KCNIP4: variants seen among roughly 807,000 people sequenced by gnomAD.
KCNIP4 encodes the protein Kv channel-interacting protein 4.
Under a neutral mutation model 34.0 loss-of-function variants are expected in KCNIP4, and 12 were observed. The observed-to-expected ratio is 0.35, with a 90% confidence interval of 0.23 to 0.57. KCNIP4 has a LOEUF of 0.57. Among genes scored for constraint, KCNIP4 ranks in the 20% least tolerant of loss-of-function variants. The pLI is 0.83. For synonymous variants in KCNIP4, 124 were observed against 102.2 expected, an observed-to-expected ratio of 1.21 and a Z score of -1.29; for missense variants, 238 against 311.7, an observed-to-expected ratio of 0.76 and a Z score of 1.78.
chr4:21,939,610 T>C (rs1730081812), intron 1 of KCNIP4, among the ~76,000 whole-genome samples: 1 of 152,152 alleles, frequency 6.6e-6, no homozygotes, highest in Non-Finnish European at 1.5e-5. Flanking sequence ...TGCACCTACG[T>C]TTCAGAGTAT....
At chr4:21,431,167 A>T (rs954793894) in intron 1 of KCNIP4, among the ~76,000 whole-genome samples, 1 of 152,056 alleles carries the variant, frequency 6.6e-6, no homozygotes, top group African/African-American at 2.4e-5. Context: ...TATCCAATAA[A>T]TTTAAAAAAA....
intron 1 of KCNIP4, among the ~76,000 whole-genome samples, chr4:21,612,959 G>C (rs1744276961): frequency 2.0e-5 from 3 of 152,108 alleles, no homozygotes; most frequent in Admixed American, 2.0e-4. Context: ...ATAGATGTCA[G>C]GCAAAGAATG....
At chr4:21,727,159 A>G (rs1007191978) in intron 1 of KCNIP4, among the ~76,000 whole-genome samples, 8 of 152,334 alleles carry the variant, frequency 5.3e-5, no homozygotes, top group Non-Finnish European at 8.8e-5. Context: ...ATGTGATAGT[A>G]TTAAGACATG....
intron 1 of KCNIP4, among the ~76,000 whole-genome samples, chr4:21,034,445 A>T (rs887345309): frequency 6.6e-6 from 1 of 152,148 alleles, no homozygotes; most frequent in Non-Finnish European, 1.5e-5. Flanking sequence ...CTCCTTTCAA[A>T]TGCAGAGTGA....
At chr4:21,436,439 A>G (rs1170555530) in intron 1 of KCNIP4, among the ~76,000 whole-genome samples, 2 of 152,104 alleles carry the variant, frequency 1.3e-5, no homozygotes, top group Non-Finnish European at 1.5e-5. Flanking sequence ...CTTCTGAATT[A>G]TTTCTCTCCC....
intron 1 of KCNIP4, among the ~76,000 whole-genome samples, chr4:20,906,961 C>T (rs1727832982): frequency 6.6e-6 from 1 of 152,176 alleles, no homozygotes; most frequent in Non-Finnish European, 1.5e-5. Context: ...TTAGAAACTC[C>T]ATGAGAACAC....
chr4:21,225,870 C>T (rs908225632), intron 1 of KCNIP4, among the ~76,000 whole-genome samples: 1 of 152,042 alleles, frequency 6.6e-6, no homozygotes, highest in African/African-American at 2.4e-5. Context: ...GCCAGGAAGG[C>T]CCAGTAGGGT....
At chr4:21,369,306 G>A (rs1720097119) in intron 1 of KCNIP4, among the ~76,000 whole-genome samples, 1 of 147,264 alleles carries the variant, frequency 6.8e-6, no homozygotes, top group Admixed American at 6.6e-5. Flanking sequence ...ATGTTCTGAA[G>A]ATATAAAGAT....
intron 1 of KCNIP4, among the ~76,000 whole-genome samples, chr4:21,152,019 G>C (rs752253139): frequency 5.9e-5 from 9 of 152,184 alleles, no homozygotes; most frequent in African/African-American, 1.2e-4. Context: ...TTTGGAGGCA[G>C]AGATGGGCAG....
intron 1 of KCNIP4, among the ~76,000 whole-genome samples, chr4:21,318,330 A>G (rs973212234): frequency 1.9e-4 from 29 of 152,208 alleles, no homozygotes; most frequent in African/African-American, 6.5e-4. Flanking sequence ...CCTTGCTTAC[A>G]TTACCTGGAA....
chr4:21,193,550 G>C (rs955020159), intron 1 of KCNIP4, among the ~76,000 whole-genome samples: 4 of 150,798 alleles, frequency 2.7e-5, no homozygotes, highest in African/African-American at 4.9e-5. Context: ...ATTCAGTATG[G>C]ATCACTTATT....
intron 1 of KCNIP4, among the ~76,000 whole-genome samples, chr4:21,189,055 T>C (rs1266438375): frequency 6.6e-6 from 1 of 152,192 alleles, no homozygotes. Context: ...TCCTCTTTGA[T>C]AAAATAAGGA....
intron 1 of KCNIP4, among the ~76,000 whole-genome samples, chr4:21,394,812 C>A (rs1318080203): frequency 6.6e-6 from 1 of 152,106 alleles, no homozygotes; most frequent in Non-Finnish European, 1.5e-5. Context: ...TCAGGGTGTA[C>A]ATTTTCACCC....
chr4:20,822,561 T>C (rs907832587), intron 3 of KCNIP4, among the ~76,000 whole-genome samples: 1 of 152,126 alleles, frequency 6.6e-6, no homozygotes, highest in African/African-American at 2.4e-5. Flanking sequence ...AATCCAGCAA[T>C]CCCACCACTG....
At chr4:21,716,787 CA>C (rs1440558206) in intron 1 of KCNIP4, among the ~76,000 whole-genome samples, 1 of 152,132 alleles carries the variant, frequency 6.6e-6, no homozygotes, top group African/African-American at 2.4e-5. Flanking sequence ...TTGAAGGGAA[CA>C]AATGGCTGTG....
At chr4:21,432,890 A>G (rs759564886) in intron 1 of KCNIP4, among the ~76,000 whole-genome samples, 25 of 152,102 alleles carry the variant, frequency 1.6e-4, no homozygotes, top group Non-Finnish European at 3.2e-4. Flanking sequence ...TAGTAGTGCC[A>G]TCGTCATTCT....
chr4:21,198,383 A>C (rs1756213372), intron 1 of KCNIP4, among the ~76,000 whole-genome samples: 1 of 152,176 alleles, frequency 6.6e-6, no homozygotes, highest in Non-Finnish European at 1.5e-5. Context: ...GTAAAGGGGA[A>C]TTTGGAAAAT....
At chr4:20,967,685 T>G (rs1221427471) in intron 1 of KCNIP4, among the ~76,000 whole-genome samples, 1 of 152,180 alleles carries the variant, frequency 6.6e-6, no homozygotes, top group Non-Finnish European at 1.5e-5. Context: ...GGGGAAGGGA[T>G]TCCCTATTTC....
chr4:21,575,510 T>TC (rs397723964), intron 1 of KCNIP4, among the ~76,000 whole-genome samples: 1 of 150,984 alleles, frequency 6.6e-6, no homozygotes, highest in Non-Finnish European at 1.5e-5. Context: ...ATCTTTTCCT[T>TC]CCCCTCCCCT....
Sources: allele counts gnomAD v4.1 joint callset (sites outside exome capture counted in the v4.1 genomes callset), GRCh38; gene constraint gnomAD v4.1.1; transcripts MANE v1.5; gene names NCBI Gene and HGNC (gene_info 2026-07-23, HGNC 2026-07-21).